KCNQ5: variants seen among roughly 807,000 people sequenced by gnomAD.
KCNQ5 encodes the protein potassium voltage-gated channel subfamily Q member 5.
KCNQ5 carries 30 observed loss-of-function variants against 98.2 expected under a neutral mutation model. The ratio of observed to expected loss-of-function variants is 0.31; its 90% confidence interval spans 0.23 to 0.41. The LOEUF is 0.41. Among genes scored for constraint, KCNQ5 ranks in the 10% least tolerant of loss-of-function variants. KCNQ5 has a pLI of 1.00. For synonymous variants in KCNQ5, 458 were observed against 449.4 expected (o/e 1.02, Z -0.24); for missense variants, 835 against 1,182.5 (o/e 0.71, Z 4.31).
At chr6:73,140,597 A>G (rs557097075) in intron 10 of KCNQ5, among the ~76,000 whole-genome samples, 1 of 152,342 alleles carries the variant, frequency 6.6e-6, no homozygotes, top group Admixed American at 6.5e-5. Flanking sequence ...TATTTGTAAC[A>G]AAATCTGAGG....
At chr6:72,843,649 A>T (rs1260680296) in intron 1 of KCNQ5, among the ~76,000 whole-genome samples, 2 of 152,136 alleles carry the variant, frequency 1.3e-5, no homozygotes, top group Non-Finnish European at 2.9e-5. Flanking sequence ...TTCCTCAAGG[A>T]TCTAGAACCA....
At chr6:72,693,868 T>C (rs1582125671) in intron 1 of KCNQ5, among the ~76,000 whole-genome samples, 1 of 152,218 alleles carries the variant, frequency 6.6e-6, no homozygotes, top group East Asian at 1.9e-4. Context: ...GTTTTGAAAG[T>C]AGAACTGCTA....
Position 72,857,927 on chromosome 6 carries a change from C to T in KCNQ5, c.399-145981C>T, listed in dbSNP as rs900767007. Among the ~76,000 whole-genome samples the T allele has an allele frequency of 2.0e-5, 3 of 152,280 alleles. No homozygotes were observed. The East Asian group carries it at 5.8e-4, about 29-fold the overall frequency. On this transcript the variant is annotated intron_variant, in intron 1 of 13. Coordinates refer to ENST00000370398, the MANE Select transcript of KCNQ5 (RefSeq NM_019842.4). ...TACTATGTGCTGGGCATTGGGCAAA[C>T]TCTTGGTATTCATGAGAAAGCAAAA...
intron 1 of KCNQ5, among the ~76,000 whole-genome samples, chr6:72,773,724 TA>T (rs1371866325): frequency 6.6e-6 from 1 of 152,348 alleles, no homozygotes. Flanking sequence ...TATATTTTTT[TA>T]AATGGAAATC....
intron 1 of KCNQ5, among the ~76,000 whole-genome samples, chr6:72,660,578 G>C (rs1224540609): frequency 2.0e-5 from 3 of 152,098 alleles, no homozygotes; most frequent in Non-Finnish European, 4.4e-5. Context: ...TATTTCTCTT[G>C]ACATTGATGG....
chr6:72,999,514 C>T (rs548577060), intron 1 of KCNQ5, among the ~76,000 whole-genome samples: 1 of 152,230 alleles, frequency 6.6e-6, no homozygotes, highest in South Asian at 2.1e-4. Context: ...CATGGAAAAA[C>T]ATTCATATAT....
intron 1 of KCNQ5, among the ~76,000 whole-genome samples, chr6:72,941,703 T>TTCTCC (rs1766318178): frequency 1.4e-4 from 1 of 7,308 alleles, no homozygotes; most frequent in African/African-American, 3.4e-4. Context: ...TTTCTTTCTT[T>TTCTCC]CTTTCTTTCT....
chr6:73,119,861 A>AAT (rs1775672037), intron 7 of KCNQ5, among the ~76,000 whole-genome samples: 1 of 152,164 alleles, frequency 6.6e-6, no homozygotes, highest in Non-Finnish European at 1.5e-5. Context: ...TGTTTTGGAT[A>AAT]ATATAGTATC....
chr6:73,187,437 TC>T (rs3842112), intron 11 of KCNQ5, among the ~76,000 whole-genome samples: 1 of 75,894 alleles, frequency 1.3e-5, no homozygotes, highest in Non-Finnish European at 2.6e-5. Context: ...CTGCACATAC[TC>T]CTCTTTTCTA....
At chr6:73,036,922 A>G (rs1771459533) in intron 2 of KCNQ5, among the ~76,000 whole-genome samples, 1 of 152,200 alleles carries the variant, frequency 6.6e-6, no homozygotes, top group Non-Finnish European at 1.5e-5. Context: ...AGAAACGACC[A>G]TGCTCAGAAG....
At chr6:73,115,075 G>A (rs897923740) in intron 7 of KCNQ5, among the ~76,000 whole-genome samples, 3 of 152,008 alleles carry the variant, frequency 2.0e-5, no homozygotes, top group African/African-American at 7.2e-5. Context: ...AGGGCAAGGT[G>A]GGAGGATTGC....
At chr6:72,720,681 A>G (rs950532613) in intron 1 of KCNQ5, among the ~76,000 whole-genome samples, 5 of 151,968 alleles carry the variant, frequency 3.3e-5, no homozygotes, top group African/African-American at 1.2e-4. Context: ...TATTCATAAA[A>G]CTCCTAGAAA....
chr6:72,868,598 T>C (rs776770631), intron 1 of KCNQ5, among the ~76,000 whole-genome samples: 6 of 152,140 alleles, frequency 3.9e-5, no homozygotes, highest in African/African-American at 7.2e-5. Context: ...AGTGTTATGA[T>C]TGGCAACCGG....
intron 1 of KCNQ5, among the ~76,000 whole-genome samples, chr6:72,956,410 A>G (rs1486525608): frequency 6.6e-6 from 1 of 151,930 alleles, no homozygotes; most frequent in African/African-American, 2.4e-5. Flanking sequence ...AGCTAAACAA[A>G]AACTCAAGCC....
intron 1 of KCNQ5, among the ~76,000 whole-genome samples, chr6:72,854,096 C>CA (rs1445719666): frequency 6.6e-6 from 1 of 152,064 alleles, no homozygotes; most frequent in Non-Finnish European, 1.5e-5. Flanking sequence ...ACGGATATAC[C>CA]ATGAGAACGC....
intron 7 of KCNQ5, among the ~76,000 whole-genome samples, chr6:73,116,633 AC>A (rs1775509074): frequency 6.6e-6 from 1 of 152,164 alleles, no homozygotes; most frequent in Admixed American, 6.5e-5. Flanking sequence ...CTATAATTGT[AC>A]CACTGCACTC....
At chr6:73,083,058 T>C (rs940253663) in intron 5 of KCNQ5, among the ~76,000 whole-genome samples, 1 of 152,050 alleles carries the variant, frequency 6.6e-6, no homozygotes, top group African/African-American at 2.4e-5. Flanking sequence ...GCCCAGCTAA[T>C]TTTTTACTAA....
At chr6:73,055,817 C>G in intron 3 of KCNQ5, 2 of 794,548 alleles carry the variant, frequency 2.5e-6, no homozygotes, top group Non-Finnish European at 4.4e-6. Flanking sequence ...ATGTGCAAAG[C>G]CATGGAAGTT....
At chr6:73,154,589 T>G (rs1399882226) in intron 10 of KCNQ5, among the ~76,000 whole-genome samples, 2 of 152,180 alleles carry the variant, frequency 1.3e-5, no homozygotes, top group Admixed American at 1.3e-4. Flanking sequence ...GTGAACATTC[T>G]TCTATTATTT....
Sources: gnomAD v4.1 joint callset for allele counts (sites outside exome capture counted in the v4.1 genomes callset) on GRCh38, gnomAD v4.1.1 for gene constraint, MANE v1.5 for transcripts, NCBI Gene and HGNC (gene_info 2026-07-23, HGNC 2026-07-21) for gene names.